Variants in LRRC58 observed in about 807,000 individuals in gnomAD.
The protein encoded by LRRC58 is leucine-rich repeat-containing protein 58.
A neutral mutation model predicts 30.6 loss-of-function variants in LRRC58; 18 were observed. The observed-to-expected ratio is 0.59, with a 90% CI of 0.41 to 0.87. The LOEUF is 0.87. LRRC58 is among the 40% of genes least tolerant of loss of function. The probability of loss-of-function intolerance (pLI) is 0.00; values close to 1 mark genes in which losing one functional copy is unlikely to be tolerated. For synonymous variants in LRRC58, 221 were observed against 206.0 expected (o/e 1.07, Z -0.62); for missense variants, 420 against 468.4 (o/e 0.90, Z 0.95).
At chr3:120,339,283 C>T (rs547261356) in intron 1 of LRRC58, among the ~76,000 whole-genome samples, 59 of 152,276 alleles carry the variant, frequency 3.9e-4, no homozygotes, top group Admixed American at 9.2e-4. Flanking sequence ...CATACCCATG[C>T]TCTCTTCTGT....
In LRRC58 at chr3:120,330,118, G is replaced by C. The variant is rs1225065983; in HGVS notation, c.*1082C>G. The C allele has an allele frequency of 6.6e-6, 1 of 151,856 alleles. No homozygotes were observed. The highest frequency in any genetic ancestry group is 1.9e-4 in the East Asian group (1 of 5,196). 9.4% of individuals were successfully genotyped at this position (151,856 alleles called of 1,614,324 possible). A position where few individuals can be genotyped will look rare whatever the true frequency, so the allele number is the denominator to read the frequency against. On this transcript the variant is annotated 3_prime_UTR_variant, in exon 4 of 4. Coordinates refer to ENST00000295628, the MANE Select transcript of LRRC58 (RefSeq NM_001099678.2). ...TTGTGATGTTTTTCTAGTTGTATTAGTTTTTCTTTAAAAAGTAGAGAAAGA... is the reference window on the plus strand; with the variant it reads ...TTGTGATGTTTTTCTAGTTGTATTACTTTTTCTTTAAAAAGTAGAGAAAGA...
chr3:120,343,178 T>C lies in LRRC58; in HGVS notation c.500+5566A>G, dbSNP rs374257014. Among the ~76,000 whole-genome samples, 88 of 152,358 alleles carry C rather than the reference T, an allele frequency of 5.8e-4. 1 individual carries two copies. The South Asian group carries it at 0.017, about 30-fold the overall frequency. On this transcript the variant is annotated intron_variant, in intron 1 of 3. Transcript: ENST00000295628. ...TTTTGCAATTATGTAAATTCTCTTTTGCAATTGATGAATAACACTAATCAA... is the reference window on the plus strand; with the variant it reads ...TTTTGCAATTATGTAAATTCTCTTTCGCAATTGATGAATAACACTAATCAA...
chr3:120,348,093 C>T (rs1935997365), intron 1 of LRRC58, among the ~76,000 whole-genome samples: 2 of 152,088 alleles, frequency 1.3e-5, no homozygotes, highest in African/African-American at 2.4e-5. Context: ...AAAGGAATCA[C>T]AGAGATGATT....
At chr3:120,342,783 T>A (rs1228971246) in intron 1 of LRRC58, among the ~76,000 whole-genome samples, 1 of 152,052 alleles carries the variant, frequency 6.6e-6, no homozygotes, top group Non-Finnish European at 1.5e-5. Context: ...AAAATCAACA[T>A]CCCAGAGATC....
chr3:120,343,283 G>A (rs1935926620), intron 1 of LRRC58, among the ~76,000 whole-genome samples: 1 of 151,998 alleles, frequency 6.6e-6, no homozygotes, highest in Admixed American at 6.6e-5. Flanking sequence ...AAATTTCTAG[G>A]GACTTGACAT....
intron 1 of LRRC58, 144 bp downstream of exon 1, chr3:120,348,600 G>T: frequency 1.1e-6 from 1 of 918,862 alleles, no homozygotes; most frequent in Non-Finnish European, 1.5e-6. Flanking sequence ...TTGCTGAGAT[G>T]GTTGGGCAGA....
intron 1 of LRRC58, among the ~76,000 whole-genome samples, chr3:120,337,250 A>AG (rs1375089290): frequency 3.3e-5 from 5 of 152,242 alleles, no homozygotes; most frequent in Non-Finnish European, 7.3e-5. Context: ...AGCACTCCTT[A>AG]ACCTACAACT....
chr3:120,348,362 C>T (rs1038928426), intron 1 of LRRC58, among the ~76,000 whole-genome samples: 11 of 152,170 alleles, frequency 7.2e-5, no homozygotes, highest in African/African-American at 2.7e-4. Context: ...ACCTTGTACG[C>T]CACGCTCAAA....
chr3:120,335,956 G>A lies in LRRC58; in HGVS notation c.501-3C>T. ...CTCCAAGATATAAACACTCTAAACT[G>A]CAAAAATAAATGAACAAAACCAAAA... On this transcript the variant is annotated splice_polypyrimidine_tract_variant and splice_region_variant and intron_variant, in intron 1 of 3. Coordinates refer to ENST00000295628, the MANE Select transcript of LRRC58 (RefSeq NM_001099678.2). 6 of 1,560,942 alleles carry A rather than the reference G, an allele frequency of 3.8e-6. No individual in the cohort carries two copies. Among genetic ancestry groups the A allele is most frequent in the South Asian group, 1.2e-5 (1 of 86,826 alleles).
chr3:120,342,430 G>A (rs1388052459), intron 1 of LRRC58, among the ~76,000 whole-genome samples: 1 of 152,214 alleles, frequency 6.6e-6, no homozygotes, highest in African/African-American at 2.4e-5. Context: ...GCAGAGAGGA[G>A]TATCCTCTAA....
Position 120,348,731 on chromosome 3 carries a change from C to T in LRRC58, c.500+13G>A, listed in dbSNP as rs1371983844. 3 of 1,550,422 alleles carry T rather than the reference C, an allele frequency of 1.9e-6. No homozygotes were observed. Among genetic ancestry groups the T allele is most frequent in the Non-Finnish European group, 2.6e-6 (3 of 1,146,272 alleles). On this transcript the variant is annotated intron_variant, in intron 1 of 3. Coordinates refer to ENST00000295628, the MANE Select transcript of LRRC58 (RefSeq NM_001099678.2). ...CCCGAGGCCTCCCCACCCTCCGGCA[C>T]ACACCCGCTCACCTCTGCAAGTTCT...
chr3:120,346,730 T>A (rs1184529018), intron 1 of LRRC58, among the ~76,000 whole-genome samples: 2 of 152,184 alleles, frequency 1.3e-5, no homozygotes, highest in African/African-American at 4.8e-5. Context: ...AAATCTTCCA[T>A]TTCTTAGCAT....
chr3:120,344,111 A>C (rs893821843), intron 1 of LRRC58, among the ~76,000 whole-genome samples: 4 of 152,132 alleles, frequency 2.6e-5, no homozygotes, highest in African/African-American at 9.7e-5. Context: ...AAATACATTA[A>C]TCCTATCTTA....
chr3:120,336,867 A>C (rs1935841811), intron 1 of LRRC58, among the ~76,000 whole-genome samples: 1 of 147,756 alleles, frequency 6.8e-6, no homozygotes, highest in African/African-American at 2.5e-5. Context: ...ATATATATTT[A>C]TATATATTAT....
intron 1 of LRRC58, among the ~76,000 whole-genome samples, chr3:120,336,534 C>T (rs1205762453): frequency 6.6e-6 from 1 of 152,154 alleles, no homozygotes; most frequent in South Asian, 2.1e-4. Context: ...GATGCACTGA[C>T]AGGCAATGGG....
At chr3:120,332,108 T>C (rs1171089213) in intron 3 of LRRC58, among the ~76,000 whole-genome samples, 1 of 152,240 alleles carries the variant, frequency 6.6e-6, no homozygotes, top group African/African-American at 2.4e-5. Flanking sequence ...AAAGCAGATG[T>C]TGCTGTGCCT....
In LRRC58 at chr3:120,326,939, C is replaced by G. The variant is rs1378847679; in HGVS notation, c.*4261G>C. The G allele has an allele frequency of 1.3e-5, 2 of 152,098 alleles. No homozygotes were observed. The highest frequency in any genetic ancestry group is 3.8e-4 in the East Asian group (2 of 5,196). The allele number at this position is 152,098 out of a possible 1,614,324, so 9.4% of individuals were successfully genotyped here. A position where few individuals can be genotyped will look rare whatever the true frequency, so the allele number is the denominator to read the frequency against. On this transcript the variant is annotated 3_prime_UTR_variant, in exon 4 of 4. Transcript: ENST00000295628. ...TACATAGTGAAAAGGTAAACATTAA[C>G]CAAGGCTACCTGTTATATCACAAAT...
intron 3 of LRRC58, among the ~76,000 whole-genome samples, chr3:120,333,951 A>G (rs1935796896): frequency 6.6e-6 from 1 of 152,154 alleles, no homozygotes; most frequent in Non-Finnish European, 1.5e-5. Flanking sequence ...TTGTTTCCAG[A>G]TCTAATTAAA....
chr3:120,326,087 G>A lies in LRRC58; in HGVS notation c.*5113C>T, dbSNP rs1247394675. The A allele has an allele frequency of 6.6e-6, 1 of 152,132 alleles. No individual in the cohort carries two copies. The highest frequency in any genetic ancestry group is 2.4e-5 in the African/African-American group (1 of 41,414). 9.4% of individuals were successfully genotyped at this position (152,132 alleles called of 1,614,324 possible). A position where few individuals can be genotyped will look rare whatever the true frequency, so the allele number is the denominator to read the frequency against. ...TTGGGTCTAGAGTAGAGGATTTAAG[G>A]CACATACTTCCTGACCACAACTGAA... On this transcript the variant is annotated 3_prime_UTR_variant, in exon 4 of 4. Transcript: ENST00000295628.
Sources: allele counts gnomAD v4.1 joint callset (sites outside exome capture counted in the v4.1 genomes callset), GRCh38; gene constraint gnomAD v4.1.1; transcripts MANE v1.5; gene names NCBI Gene and HGNC (gene_info 2026-07-23, HGNC 2026-07-21).